Variants in CGRRF1 observed in about 807,000 individuals in gnomAD.
The protein encoded by CGRRF1 is cell growth regulator with RING finger domain protein 1.
A neutral mutation model predicts 37.2 loss-of-function variants in CGRRF1; 32 were observed. That is an observed-to-expected ratio of 0.86 (90% CI 0.65 to 1.16). The LOEUF is 1.16. Among genes scored for constraint, CGRRF1 ranks in the 50% most tolerant of loss-of-function variants. The probability of loss-of-function intolerance (pLI) is 0.00; values close to 1 mark genes in which losing one functional copy is unlikely to be tolerated. For missense variants in CGRRF1, 391 were observed against 382.6 expected (o/e 1.02, Z -0.18); for synonymous variants, 141 against 140.3 (o/e 1.00, Z -0.04).
In CGRRF1 at chr14:54,530,193, T is replaced by A; in HGVS notation, c.389T>A (p.Leu130Gln). 6.2e-7 allele frequency: 1 copy of A among 1,611,354 alleles called. No homozygotes were observed. The highest frequency in any genetic ancestry group is 2.2e-5 in the East Asian group (1 of 44,760). Residue 130 changes from leucine (L) to glutamine (Q), a missense_variant, in exon 3 of 6, where the codon CTG becomes CAG. Coordinates refer to ENST00000216420, the MANE Select transcript of CGRRF1 (RefSeq NM_006568.3). ...ISTPQALEDA[L>Q]YSEYLYQEQY... ...ACTCCCCAAGCATTAGAAGATGCTC[T>A]GTATAGTGAATATCTCTATCAGGAA...
chr14:54,532,581 G>A (rs976417766), intron 4 of CGRRF1, among the ~76,000 whole-genome samples: 2 of 151,684 alleles, frequency 1.3e-5, no homozygotes, highest in Admixed American at 1.3e-4. Flanking sequence ...ACATCCTGTT[G>A]TACACCTTAA....
chr14:54,509,922 C>CGCGGCTGGAGCCGGGCTCT lies in CGRRF1; in HGVS notation c.-37_-19dup, dbSNP rs1566504705. 5.3e-6 allele frequency: 8 copies of CGCGGCTGGAGCCGGGCTCT among 1,509,874 alleles called. No individual in the cohort carries two copies. Among genetic ancestry groups the CGCGGCTGGAGCCGGGCTCT allele is most frequent in the South Asian group, 3.4e-5 (3 of 88,878 alleles). 93.5% of individuals were successfully genotyped at this position (1,509,874 alleles called of 1,614,324 possible). On this transcript the variant is annotated 5_prime_UTR_variant, in exon 1 of 6. Transcript: ENST00000216420. ...GGCTCAGCCGGGCTGGGCTGGGCTC[C>CGCGGCTGGAGCCGGGCTCT]GCGGCTGGAGCCGGGCTCTACCCAG...
chr14:54,524,136 C>G (rs528988176), intron 2 of CGRRF1, among the ~76,000 whole-genome samples: 3 of 152,148 alleles, frequency 2.0e-5, no homozygotes, highest in African/African-American at 7.2e-5. Context: ...CTGCCCTGCA[C>G]TTTTGACCCC....
At chr14:54,522,722 C>A in intron 2 of CGRRF1, 129 bp downstream of exon 2, 2 of 872,450 alleles carry the variant, frequency 2.3e-6, no homozygotes, top group Non-Finnish European at 3.6e-6. Flanking sequence ...CTATGTTGTT[C>A]CAGGTGCTGT....
At chr14:54,527,763 T>G (rs1196408061) in intron 2 of CGRRF1, among the ~76,000 whole-genome samples, 1 of 151,570 alleles carries the variant, frequency 6.6e-6, no homozygotes, top group Non-Finnish European at 1.5e-5. Context: ...TTCTTTTTTT[T>G]TTTTTCTTTT....
intron 1 of CGRRF1, among the ~76,000 whole-genome samples, chr14:54,519,081 T>G (rs982312047): frequency 1.3e-5 from 2 of 152,094 alleles, no homozygotes; most frequent in Admixed American, 1.3e-4. Flanking sequence ...TAGCTGGGAT[T>G]ACAGGCATGC....
intron 1 of CGRRF1, 74 bp downstream of exon 1, chr14:54,510,137 C>A: frequency 8.8e-7 from 1 of 1,136,940 alleles, no homozygotes; most frequent in Non-Finnish European, 1.3e-6. Flanking sequence ...GCAGGGGGCA[C>A]CGGAGCCGGA....
chr14:54,535,053 C>T (rs61975100), intron 4 of CGRRF1, among the ~76,000 whole-genome samples: 7,983 of 152,008 alleles, frequency 0.053, 409 homozygotes, highest in East Asian at 0.28. Flanking sequence ...TATATATGAT[C>T]GTATATATAT....
Position 54,509,929 on chromosome 14 carries a change from G to A in CGRRF1, c.-31G>A, listed in dbSNP as rs1233833086. The A allele has an allele frequency of 3.9e-6, 6 of 1,537,866 alleles. No individual in the cohort carries two copies. In the African/African-American group the frequency reaches 5.5e-5, roughly 14 times the overall value. On this transcript the variant is annotated 5_prime_UTR_variant, in exon 1 of 6. Coordinates refer to ENST00000216420, the MANE Select transcript of CGRRF1 (RefSeq NM_006568.3). ...CCGGGCTGGGCTGGGCTCCGCGGCT[G>A]GAGCCGGGCTCTACCCAGAGCAAGA...
At chr14:54,523,974 C>G (rs762597255) in intron 2 of CGRRF1, among the ~76,000 whole-genome samples, 7 of 152,198 alleles carry the variant, frequency 4.6e-5, no homozygotes, top group Non-Finnish European at 8.8e-5. Flanking sequence ...TGCCGTATTT[C>G]TCTTCTTCCC....
chr14:54,518,825 T>A (rs2032263200), intron 1 of CGRRF1, among the ~76,000 whole-genome samples: 1 of 152,224 alleles, frequency 6.6e-6, no homozygotes, highest in Non-Finnish European at 1.5e-5. Context: ...AAGTTCCTTG[T>A]AGACTCTGGA....
chr14:54,518,778 T>C (rs2032262495), intron 1 of CGRRF1, among the ~76,000 whole-genome samples: 1 of 152,208 alleles, frequency 6.6e-6, no homozygotes, highest in Non-Finnish European at 1.5e-5. Flanking sequence ...GTTTGCCTAC[T>C]TTTTAATGGG....
chr14:54,510,094 G>A (rs1160640394), intron 1 of CGRRF1, 31 bp downstream of exon 1: 1 of 1,523,534 alleles, frequency 6.6e-7, no homozygotes, highest in East Asian at 2.3e-5. Flanking sequence ...AGACGAAGGG[G>A]CGGATACCGC....
chr14:54,520,821 TC>T (rs1257431676), intron 1 of CGRRF1, among the ~76,000 whole-genome samples: 1 of 152,226 alleles, frequency 6.6e-6, no homozygotes, highest in Non-Finnish European at 1.5e-5. Context: ...CTTTCTTTTT[TC>T]TTAAAGCATA....
In CGRRF1 at chr14:54,520,023, A is replaced by G. The variant is rs79890944; in HGVS notation, c.105-2431A>G. On this transcript the variant is annotated intron_variant, in intron 1 of 5. Transcript: ENST00000216420. ...TCACCTGTAAGTTCTAAAACATTAC[A>G]TATTACTGATTAGAGTTCAGTGTTT... 8.8e-3 allele frequency among the ~76,000 whole-genome samples: 1,344 copies of G among 152,348 alleles called. 23 individuals carry two copies. The highest frequency in any genetic ancestry group is 0.03 in the African/African-American group (1,254 of 41,586).
intron 2 of CGRRF1, among the ~76,000 whole-genome samples, chr14:54,526,295 G>T (rs1359102553): frequency 1.3e-5 from 2 of 151,418 alleles, no homozygotes; most frequent in African/African-American, 2.4e-5. Context: ...GACTACAGGT[G>T]CATGCCACCA....
chr14:54,524,390 T>G (rs1008596315), intron 2 of CGRRF1, among the ~76,000 whole-genome samples: 3 of 150,904 alleles, frequency 2.0e-5, no homozygotes, highest in South Asian at 2.1e-4. Flanking sequence ...TATATGTTTT[T>G]TTTTTTTTTT....
At chr14:54,529,770 G>A (rs2032476646) in intron 2 of CGRRF1, among the ~76,000 whole-genome samples, 1 of 152,084 alleles carries the variant, frequency 6.6e-6, no homozygotes, top group Admixed American at 6.6e-5. Flanking sequence ...ATGTCTTAGA[G>A]TCGCCAAAAA....
chr14:54,525,545 A>G lies in CGRRF1; in HGVS notation c.244+2952A>G, dbSNP rs554834106. ...GCATATCATTTATTATCTTTCTCCT[A>G]TGGGGAAATAGAAGGATTTTGATAG... On this transcript the variant is annotated intron_variant, in intron 2 of 5. Transcript: ENST00000216420. 2.0e-5 allele frequency among the ~76,000 whole-genome samples: 3 copies of G among 152,346 alleles called. No homozygotes were observed. In the South Asian group the frequency reaches 6.2e-4, roughly 32 times the overall value.
Sources: gnomAD v4.1 joint callset for allele counts (sites outside exome capture counted in the v4.1 genomes callset) on GRCh38, gnomAD v4.1.1 for gene constraint, MANE v1.5 for transcripts, NCBI Gene and HGNC (gene_info 2026-07-23, HGNC 2026-07-21) for gene names.